Variants in NSMCE3 observed in about 807,000 individuals in gnomAD.
The protein encoded by NSMCE3 is NSE3 component of SMC5/6 complex.
For missense variants in NSMCE3, 452 were observed against 399.5 expected (o/e 1.13, Z -1.12); for synonymous variants, 214 against 172.2 (o/e 1.24, Z -1.90).
At position 29,269,698 on chromosome 15, in the gene NSMCE3, T is replaced by G. The variant is rs918636850; in HGVS notation, c.8A>C (p.Gln3Pro). The G allele has an allele frequency of 7.1e-6, 11 of 1,544,066 alleles. No homozygotes were observed. The highest frequency in any genetic ancestry group is 8.7e-7 in the Non-Finnish European group (1 of 1,153,456). ML[Q>P]KPRNRGRSGG... is the part of the protein sequence containing the mutation. ...AGAGCGGCCCCGGTTCCTCGGTTTT[T>G]GCAACATGTCTCCGGCGGCAGGTGC... Residue 3 changes from glutamine to proline, a missense_variant, in exon 1 of 1, where the codon CAA becomes CCA. Physicochemically the swap from Gln to Pro is moderately conservative, Grantham distance 76. Transcript: ENST00000332303.
rs936493937 is a variant in NSMCE3 at position 29,268,376 on chromosome 15, A to T, written c.*415T>A. The stretch of plus-strand genomic sequence containing the variant: ...TAACATAATAAGGATATAGGCAATT[A>T]TTTTTTTTAATTTTATAAAAACTTT... On this transcript the variant is annotated 3_prime_UTR_variant, in exon 1 of 1. Transcript: ENST00000332303. 6.0e-6 allele frequency: 1 copy of T among 165,492 alleles called. No individual in the cohort carries two copies. The highest frequency in any genetic ancestry group is 1.3e-5 in the Non-Finnish European group (1 of 77,752). The allele number at this position is 165,492 out of a possible 1,614,324, so 10.3% of individuals were successfully genotyped here.
chr15:29,269,684 G>A lies in NSMCE3; in HGVS notation c.22C>T (p.Arg8Trp), dbSNP rs1349878771. 1.3e-6 allele frequency: 2 copies of A among 1,551,026 alleles called. No individual in the cohort carries two copies. Among genetic ancestry groups the A allele is most frequent in the East Asian group, 2.6e-5 (1 of 38,080 alleles). ...TCGGCCTGGCCGCCAGAGCGGCCCC[G>A]GTTCCTCGGTTTTTGCAACATGTCT... is the stretch of plus-strand genomic sequence containing the variant. MLQKPRN[R>W]GRSGGQAERD... is the part of the protein sequence containing the mutation. The change falls in exon 1 of 1, where the codon CGG becomes TGG. Residue 8 changes from arginine (R) to tryptophan (W), a missense_variant. Arg to Trp is a moderately radical substitution (Grantham distance 101). Transcript: ENST00000332303.
At position 29,269,295 on chromosome 15, in the gene NSMCE3, G is replaced by A. The variant is rs750076154; in HGVS notation, c.411C>T (p.Val137=). 6.2e-7 allele frequency: 1 copy of A among 1,614,234 alleles called. No individual in the cohort carries two copies. Among genetic ancestry groups the A allele is most frequent in the Non-Finnish European group, 8.5e-7 (1 of 1,180,048 alleles). ...FKRAAERLQY[V]FGYKLVELEP... The stretch of plus-strand genomic sequence containing the variant: ...CAAGTTCCACCAGCTTATACCCGAA[G>A]ACGTACTGGAGGCGCTCGGCGGCCC... Residue 137 remains valine, a synonymous_variant, in exon 1 of 1, where the codon GTC becomes GTT. Coordinates refer to ENST00000332303, the MANE Select transcript of NSMCE3 (RefSeq NM_138704.4).
rs1424753789 is a variant in NSMCE3 at position 29,269,680 on chromosome 15, C to T, written c.26G>A (p.Gly9Asp). The T allele has an allele frequency of 1.3e-6, 2 of 1,554,690 alleles. No homozygotes were observed. The highest frequency in any genetic ancestry group is 4.0e-5 in the Admixed American group (2 of 50,492). Residue 9 changes from glycine to aspartate, a missense_variant, in exon 1 of 1, where the codon GGC becomes GAC. Coordinates refer to ENST00000332303, the MANE Select transcript of NSMCE3 (RefSeq NM_138704.4). MLQKPRNRGRSGGQAERDR... is the reference protein window; with the variant it reads MLQKPRNRDRSGGQAERDR... Reference sequence around the variant, plus strand: ...CCTCTCGGCCTGGCCGCCAGAGCGGCCCCGGTTCCTCGGTTTTTGCAACAT... The same window carrying T: ...CCTCTCGGCCTGGCCGCCAGAGCGGTCCCGGTTCCTCGGTTTTTGCAACAT...
In NSMCE3 at chr15:29,269,747, C is replaced by T; in HGVS notation, c.-42G>A. 6 of 1,433,136 alleles carry T rather than the reference C, an allele frequency of 4.2e-6. No homozygotes were observed. In the South Asian group the frequency reaches 7.5e-5, roughly 18 times the overall value. 88.8% of individuals were successfully genotyped at this position (1,433,136 alleles called of 1,614,324 possible). ...GCCGGCGCACACTCCGGTAGGCAAG[C>T]AGCCGCGGCGGGGATTGCGGGTCGG... On this transcript the variant is annotated 5_prime_UTR_variant, in exon 1 of 1. Coordinates refer to ENST00000332303, the MANE Select transcript of NSMCE3 (RefSeq NM_138704.4).
rs1361133808 is a variant in NSMCE3 at position 29,267,382 on chromosome 15, CTTCTAG to C, written c.*1403_*1408del. On this transcript the variant is annotated 3_prime_UTR_variant, in exon 1 of 1. Coordinates refer to ENST00000332303, the MANE Select transcript of NSMCE3 (RefSeq NM_138704.4). ...GAGGAACACAATGGGACTATGAACT[CTTCTAG>C]TTCATTTAGTGCATAAAACTATTAT... 6.6e-6 allele frequency: 1 copy of C among 152,172 alleles called. No individual in the cohort carries two copies. Among genetic ancestry groups the C allele is most frequent in the East Asian group, 1.9e-4 (1 of 5,200 alleles). The allele number at this position is 152,172 out of a possible 1,614,324, so 9.4% of individuals were successfully genotyped here.
At position 29,269,721 on chromosome 15, in the gene NSMCE3, T is replaced by C. The variant is rs774384369; in HGVS notation, c.-16A>G. 1.7e-4 allele frequency: 250 copies of C among 1,503,926 alleles called. No homozygotes were observed. The highest frequency in any genetic ancestry group is 2.1e-4 in the Non-Finnish European group (237 of 1,135,500). 93.2% of individuals were successfully genotyped at this position (1,503,926 alleles called of 1,614,324 possible). On this transcript the variant is annotated 5_prime_UTR_variant, in exon 1 of 1. Transcript: ENST00000332303. ...TTTGCAACATGTCTCCGGCGGCAGG[T>C]GCCGGCGCACACTCCGGTAGGCAAG...
chr15:29,268,725 C>T lies in NSMCE3; in HGVS notation c.*66G>A. On this transcript the variant is annotated 3_prime_UTR_variant, in exon 1 of 1. Transcript: ENST00000332303. ...CTCCCTGGGTTCGTTCTCCCTTCCCCCAATCCTCTAAACTGTGCCTTTGGG... is the reference window on the plus strand; with the variant it reads ...CTCCCTGGGTTCGTTCTCCCTTCCCTCAATCCTCTAAACTGTGCCTTTGGG... The T allele has an allele frequency of 4.0e-6, 6 of 1,504,128 alleles. No homozygotes were observed. The highest frequency in any genetic ancestry group is 5.4e-6 in the Non-Finnish European group (6 of 1,120,186). The allele number at this position is 1,504,128 out of a possible 1,614,324, so 93.2% of individuals were successfully genotyped here.
rs754023889 is a variant in NSMCE3, at chr15:29,269,415, C to G, written c.291G>C (p.Leu97=). The change falls in exon 1 of 1, where the codon CTG becomes CTC. Residue 97 remains leucine, a synonymous_variant. Coordinates refer to ENST00000332303, the MANE Select transcript of NSMCE3 (RefSeq NM_138704.4). The part of the protein sequence containing the change: ...LKVSELVQFL[L]IKDQKKIPIK... ...TCGGAATCTTCTTCTGGTCTTTAAT[C>G]AGCAAGAACTGCACCAGCTCGGACA... The G allele has an allele frequency of 6.2e-7, 1 of 1,614,172 alleles. No individual in the cohort carries two copies. Among genetic ancestry groups the G allele is most frequent in the Non-Finnish European group, 8.5e-7 (1 of 1,180,036 alleles).
At position 29,268,458 on chromosome 15, in the gene NSMCE3, C is replaced by T. The variant is rs2043529252; in HGVS notation, c.*333G>A. 3.5e-6 allele frequency: 1 copy of T among 282,054 alleles called. No individual in the cohort carries two copies. Among genetic ancestry groups the T allele is most frequent in the Non-Finnish European group, 6.5e-6 (1 of 154,430 alleles). 17.5% of individuals were successfully genotyped at this position (282,054 alleles called of 1,614,324 possible). A position where few individuals can be genotyped will look rare whatever the true frequency, so the allele number is the denominator to read the frequency against. ...GACCTGATAATAGCTTTTTTATTTT[C>T]TTGGCACCAAAGCAACTTACTTATG... is the stretch of plus-strand genomic sequence containing the variant. On this transcript the variant is annotated 3_prime_UTR_variant, in exon 1 of 1. Coordinates refer to ENST00000332303, the MANE Select transcript of NSMCE3 (RefSeq NM_138704.4).
chr15:29,268,671 A>G lies in NSMCE3; in HGVS notation c.*120T>C. The G allele has an allele frequency of 3.2e-6, 3 of 942,896 alleles. No individual in the cohort carries two copies. The highest frequency in any genetic ancestry group is 1.6e-6 in the Non-Finnish European group (1 of 644,226). The allele number at this position is 942,896 out of a possible 1,614,324, so 58.4% of individuals were successfully genotyped here. On this transcript the variant is annotated 3_prime_UTR_variant, in exon 1 of 1. Transcript: ENST00000332303. Reference sequence around the variant, plus strand: ...AACTTTGCAAACACATCCTAAAGCTACACACATTGAAGCGTTTACAGCAAT... The same window carrying G: ...AACTTTGCAAACACATCCTAAAGCTGCACACATTGAAGCGTTTACAGCAAT...
chr15:29,265,447 T>A lies in NSMCE3; in HGVS notation c.*3344A>T, dbSNP rs2043459664. The A allele has an allele frequency of 6.6e-6, 1 of 152,248 alleles. No homozygotes were observed. The highest frequency in any genetic ancestry group is 2.4e-5 in the African/African-American group (1 of 41,458). 9.4% of individuals were successfully genotyped at this position (152,248 alleles called of 1,614,324 possible). On this transcript the variant is annotated 3_prime_UTR_variant, in exon 1 of 1. Transcript: ENST00000332303. The stretch of plus-strand genomic sequence containing the variant: ...TAAAGTCAGGAGTTTGAGACCACCC[T>A]GGCCAACATGGCAAAACCCCGTCTC...
Position 29,268,504 on chromosome 15 carries a change from G to A in NSMCE3, c.*287C>T. On this transcript the variant is annotated 3_prime_UTR_variant, in exon 1 of 1. Transcript: ENST00000332303. Reference sequence around the variant, plus strand: ...TTATGTGTTCCTTCTTGCATTATCTGTTCCAGATCATAGTCAAGTTTTCCA... The same window carrying A: ...TTATGTGTTCCTTCTTGCATTATCTATTCCAGATCATAGTCAAGTTTTCCA... 1 of 393,104 alleles carries A rather than the reference G, an allele frequency of 2.5e-6. No individual in the cohort carries two copies. Among genetic ancestry groups the A allele is most frequent in the Non-Finnish European group, 4.5e-6 (1 of 222,578 alleles). The allele number at this position is 393,104 out of a possible 1,614,324, so 24.4% of individuals were successfully genotyped here.
At position 29,269,275 on chromosome 15, in the gene NSMCE3, T is replaced by C. The variant is rs761300494; in HGVS notation, c.431A>G (p.Glu144Gly). The C allele has an allele frequency of 5.0e-6, 8 of 1,614,012 alleles. No individual in the cohort carries two copies. The highest frequency in any genetic ancestry group is 4.0e-5 in the African/African-American group (3 of 74,906). ...LQYVFGYKLV[E>G]LEPKSNTYIL... ...GTAAGTGTTGCTCTTGGGTTCAAGT[T>C]CCACCAGCTTATACCCGAAGACGTA... The change falls in exon 1 of 1, where the codon GAA becomes GGA. Residue 144 changes from glutamate (E) to glycine (G), a missense_variant. Transcript: ENST00000332303.
In NSMCE3 at chr15:29,268,222, G is replaced by GTA. The variant is rs1312674388; in HGVS notation, c.*568_*569insTA. The GTA allele has an allele frequency of 6.6e-6, 1 of 152,198 alleles. No homozygotes were observed. The highest frequency in any genetic ancestry group is 2.4e-5 in the African/African-American group (1 of 41,430). 9.4% of individuals were successfully genotyped at this position (152,198 alleles called of 1,614,324 possible). ...GAAGAAAAAAACGAAGTGGAACTAC[G>GTA]TGTTTAGCAGCAGAGCTGAATAATT... is the stretch of plus-strand genomic sequence containing the variant. On this transcript the variant is annotated 3_prime_UTR_variant, in exon 1 of 1. Transcript: ENST00000332303.
In NSMCE3 at chr15:29,269,182, G is replaced by C; in HGVS notation, c.524C>G (p.Thr175Ser). The change falls in exon 1 of 1, where the codon ACT becomes AGT. Residue 175 changes from threonine (T) to serine (S), a missense_variant. Coordinates refer to ENST00000332303, the MANE Select transcript of NSMCE3 (RefSeq NM_138704.4). ...TAAGACGATCATCAGGAGGCCCGTA[G>C]TGGGCGTGCCTTGGTCACCCCTCAT... Reference protein sequence around the residue: ...AEMRGDQGTPTTGLLMIVLGL... With the variant: ...AEMRGDQGTPSTGLLMIVLGL... 1 of 1,614,190 alleles carries C rather than the reference G, an allele frequency of 6.2e-7. No individual in the cohort carries two copies. Among genetic ancestry groups the C allele is most frequent in the Non-Finnish European group, 8.5e-7 (1 of 1,180,038 alleles).
Position 29,268,814 on chromosome 15 carries a change from T to G in NSMCE3, c.892A>C (p.Ser298Arg), listed in dbSNP as rs147308690. 6.2e-7 allele frequency: 1 copy of G among 1,610,962 alleles called. No homozygotes were observed. Among genetic ancestry groups the G allele is most frequent in the African/African-American group, 1.3e-5 (1 of 74,832 alleles). Reference sequence around the variant, plus strand: ...TTTCAAGAGGATGGAGCTGGGCCACTAGGCTGAGGTCTGGCCCTGTTCTCC... The same window carrying G: ...TTTCAAGAGGATGGAGCTGGGCCACGAGGCTGAGGTCTGGCCCTGTTCTCC... ...DEENRARPQPSGPAPSS is the reference protein window; with the variant it reads ...DEENRARPQPRGPAPSS Residue 298 changes from serine (S) to arginine (R), a missense_variant, in exon 1 of 1, where the codon AGT becomes CGT. Ser to Arg is a moderately radical substitution (Grantham distance 110). Transcript: ENST00000332303.
In NSMCE3 at chr15:29,269,469, G is replaced by C. The variant is rs760510177; in HGVS notation, c.237C>G (p.Pro79=). 1.9e-6 allele frequency: 3 copies of C among 1,612,670 alleles called. No homozygotes were observed. The highest frequency in any genetic ancestry group is 2.5e-6 in the Non-Finnish European group (3 of 1,179,594). The change falls in exon 1 of 1, where the codon CCC becomes CCG. Residue 79 remains proline (P), a synonymous_variant. Coordinates refer to ENST00000332303, the MANE Select transcript of NSMCE3 (RefSeq NM_138704.4). ...TCAGCTCCAGCTGCTTCTGGCTCCT[G>C]GGCCCCACGGCGGGGGCGGCCTGGG... The part of the protein sequence containing the change: ...RRAQAAPAVG[P]RSQKQLELKV...
chr15:29,269,763 T>A lies in NSMCE3; in HGVS notation c.-58A>T. On this transcript the variant is annotated 5_prime_UTR_variant, in exon 1 of 1. Transcript: ENST00000332303. ...GTAGGCAAGCAGCCGCGGCGGGGAT[T>A]GCGGGTCGGCGACCCGCTAACGCCG... The A allele has an allele frequency of 7.2e-7, 1 of 1,392,362 alleles. No homozygotes were observed. Among genetic ancestry groups the A allele is most frequent in the Non-Finnish European group, 9.3e-7 (1 of 1,074,484 alleles). The allele number at this position is 1,392,362 out of a possible 1,614,324, so 86.3% of individuals were successfully genotyped here.
Sources: allele counts gnomAD v4.1 joint callset, GRCh38; gene constraint gnomAD v4.1.1; transcripts MANE v1.5; gene names NCBI Gene and HGNC (gene_info 2026-07-23, HGNC 2026-07-21).